CTNNB1: variants seen among roughly 807,000 people sequenced by gnomAD.
CTNNB1 encodes the protein catenin beta 1.
In CTNNB1, 6 loss-of-function variants were observed where a neutral mutation model predicts 82.5. The observed-to-expected ratio is 0.07, with a 90% CI of 0.04 to 0.14. CTNNB1 has a LOEUF of 0.14. Among genes scored for constraint, CTNNB1 ranks in the 10% least tolerant of loss-of-function variants. CTNNB1 has a pLI of 1.00. For missense variants in CTNNB1, 529 were observed against 980.4 expected (o/e 0.54, Z 6.15); for synonymous variants, 312 against 329.7 (o/e 0.95, Z 0.58).
At chr3:41,211,583 T>C (rs1218579950) in intron 1 of CTNNB1, among the ~76,000 whole-genome samples, 4 of 152,338 alleles carry the variant, frequency 2.6e-5, no homozygotes, top group Middle Eastern at 6.8e-3. Context: ...TATGTCCATG[T>C]GTACCAAATG....
At chr3:41,226,002 A>C in intron 6 of CTNNB1, 141 bp downstream of exon 6, 1 of 771,144 alleles carries the variant, frequency 1.3e-6, no homozygotes, top group Non-Finnish European at 2.2e-6. Flanking sequence ...GGGTTGTGGG[A>C]ATGGTTTCTG....
At chr3:41,230,153 G>C (rs983904754) in intron 7 of CTNNB1, among the ~76,000 whole-genome samples, 4 of 152,174 alleles carry the variant, frequency 2.6e-5, no homozygotes, top group Non-Finnish European at 5.9e-5. Flanking sequence ...GATTGCTCCA[G>C]GTAACTACTG....
Position 41,225,633 on chromosome 3 carries a change from C to T in CTNNB1, c.735-27C>T, listed in dbSNP as rs376456578. ...GTAGAAGAGTATACTCACAATATTTCTGATGAGGCTTTTTTCTTCTTCCCA... is the reference window on the plus strand; with the variant it reads ...GTAGAAGAGTATACTCACAATATTTTTGATGAGGCTTTTTTCTTCTTCCCA... On this transcript the variant is annotated intron_variant, in intron 5 of 14. Transcript: ENST00000349496. This position sits in a 1 kb window ranked among gnomAD's most constrained non-coding sequence, Gnocchi z 5.3. 49 of 1,613,830 alleles carry T rather than the reference C, an allele frequency of 3.0e-5. No homozygotes were observed. Among genetic ancestry groups the T allele is most frequent in the Non-Finnish European group, 4.1e-5 (48 of 1,179,828 alleles).
rs2078165819 is a variant in CTNNB1, at chr3:41,225,956, G to A, written c.936+95G>A. ...AGTGTTCCTAACCTTTTTGGCACCAGGGACCAGTTTCGTGGAAAACAGTTT... is the reference window on the plus strand; with the variant it reads ...AGTGTTCCTAACCTTTTTGGCACCAAGGACCAGTTTCGTGGAAAACAGTTT... On this transcript the variant is annotated intron_variant, in intron 6 of 14. Transcript: ENST00000349496. The surrounding 1 kb of genome is among the most constrained non-coding windows in gnomAD (Gnocchi z 5.3). The A allele has an allele frequency of 8.3e-7, 1 of 1,202,890 alleles. No homozygotes were observed. The highest frequency in any genetic ancestry group is 1.2e-6 in the Non-Finnish European group (1 of 826,766). The allele number at this position is 1,202,890 out of a possible 1,614,324, so 74.5% of individuals were successfully genotyped here. A position where few individuals can be genotyped will look rare whatever the true frequency, so the allele number is the denominator to read the frequency against.
chr3:41,226,360 G>T (rs2078176066), intron 6 of CTNNB1, among the ~76,000 whole-genome samples: 1 of 152,186 alleles, frequency 6.6e-6, no homozygotes, highest in Admixed American at 6.5e-5. Context: ...AATTTGTGTA[G>T]TGGGAAGAAG....
chr3:41,208,315 AT>A (rs2077696799), intron 1 of CTNNB1, among the ~76,000 whole-genome samples: 1 of 152,184 alleles, frequency 6.6e-6, no homozygotes, highest in African/African-American at 2.4e-5. Flanking sequence ...ACAAATTTTG[AT>A]GTAGAAGATG....
chr3:41,212,248 T>A (rs1410479092), intron 1 of CTNNB1, among the ~76,000 whole-genome samples: 1 of 152,214 alleles, frequency 6.6e-6, no homozygotes, highest in Non-Finnish European at 1.5e-5. Context: ...GTATCCCTGA[T>A]AGCGGGACAG....
rs778248964 is a variant in CTNNB1 at position 41,225,238 on chromosome 3, T to C, written c.495+31T>C. On this transcript the variant is annotated intron_variant, in intron 4 of 14. Transcript: ENST00000349496. This position sits in a 1 kb window ranked among gnomAD's most constrained non-coding sequence, Gnocchi z 5.3. ...CAATGACATAGCTAGCTTTTTAGTC[T>C]GCTTTGAAGTAAATGCTCAAGGGGA... is the stretch of plus-strand genomic sequence containing the variant. The C allele has an allele frequency of 6.2e-7, 1 of 1,614,058 alleles. No individual in the cohort carries two copies. The highest frequency in any genetic ancestry group is 8.5e-7 in the Non-Finnish European group (1 of 1,179,980).
chr3:41,232,729 A>T (rs1028403019), intron 7 of CTNNB1, among the ~76,000 whole-genome samples: 5 of 152,110 alleles, frequency 3.3e-5, no homozygotes, highest in Non-Finnish European at 5.9e-5. Context: ...AAGTGTTTTC[A>T]TGCCGTCTTT....
chr3:41,203,458 A>G (rs1471139740), intron 1 of CTNNB1, among the ~76,000 whole-genome samples: 1 of 152,192 alleles, frequency 6.6e-6, no homozygotes, highest in East Asian at 1.9e-4. Context: ...GAATCTCAGT[A>G]TAGTACTTTA....
intron 7 of CTNNB1, among the ~76,000 whole-genome samples, chr3:41,229,516 T>G (rs928351667): frequency 6.6e-6 from 1 of 152,198 alleles, no homozygotes; most frequent in East Asian, 1.9e-4. Context: ...TTGGATGTTG[T>G]TGGTGTCTAG....
chr3:41,223,013 G>C lies in CTNNB1; in HGVS notation c.-48-1008G>C, dbSNP rs2078086095. ...TTGAACCTGGGAGGCGGAGGTTGCA[G>C]TGAGCCCAGTATGCACCTCTGCACT... On this transcript the variant is annotated intron_variant, in intron 1 of 14. Coordinates refer to ENST00000349496, the MANE Select transcript of CTNNB1 (RefSeq NM_001904.4). 5.3e-5 allele frequency among the ~76,000 whole-genome samples: 8 copies of C among 152,274 alleles called. No individual in the cohort carries two copies. In the South Asian group the frequency reaches 1.7e-3, roughly 32 times the overall value.
chr3:41,212,114 T>G (rs919008119), intron 1 of CTNNB1, among the ~76,000 whole-genome samples: 1 of 152,224 alleles, frequency 6.6e-6, no homozygotes, highest in Non-Finnish European at 1.5e-5. Flanking sequence ...TTTTGCCCAT[T>G]GAGATCTTCC....
Position 41,225,851 on chromosome 3 carries a change from A to C in CTNNB1, c.926A>C (p.Gln309Pro). The C allele has an allele frequency of 6.2e-7, 1 of 1,612,982 alleles. No individual in the cohort carries two copies. Among genetic ancestry groups the C allele is most frequent in the Non-Finnish European group, 8.5e-7 (1 of 1,179,308 alleles). ...CTTCAAATTTTAGCTTATGGCAACC[A>C]AGAAAGCAAGGTAAGAGAATTATTC... is the stretch of plus-strand genomic sequence containing the variant. ...DCLQILAYGNQESKLIILASG... is the reference protein window; with the variant it reads ...DCLQILAYGNPESKLIILASG... Residue 309 changes from glutamine to proline, a missense_variant, in exon 6 of 15, where the codon CAA becomes CCA. This residue lies in a region of CTNNB1 where 411 missense variants were observed against 776.4 expected (regional missense o/e 0.53). Coordinates refer to ENST00000349496, the MANE Select transcript of CTNNB1 (RefSeq NM_001904.4). The surrounding 1 kb of genome is among the most constrained non-coding windows in gnomAD (Gnocchi z 5.3).
chr3:41,239,570 GT>G lies in CTNNB1; in HGVS notation c.*234del, dbSNP rs4135244. The stretch of plus-strand genomic sequence containing the variant: ...ATGTGTGGAAGTTATTAACTTTAAT[GT>G]TTTTTGCCACAGCTTTTGCAACTTA... On this transcript the variant is annotated 3_prime_UTR_variant, in exon 15 of 15. Coordinates refer to ENST00000349496, the MANE Select transcript of CTNNB1 (RefSeq NM_001904.4). 1.7e-6 allele frequency: 1 copy of G among 571,886 alleles called. No homozygotes were observed. The highest frequency in any genetic ancestry group is 2.9e-5 in the East Asian group (1 of 33,934). The allele number at this position is 571,886 out of a possible 1,614,324, so 35.4% of individuals were successfully genotyped here.
chr3:41,233,682 C>G lies in CTNNB1; in HGVS notation c.1339C>G (p.Leu447Val), dbSNP rs769363745. Residue 447 changes from leucine (L) to valine (V), a missense_variant, in exon 9 of 15, where the codon CTT (leucine) becomes GTT (valine). Physicochemically the swap from Leu to Val is conservative, Grantham distance 32. This residue lies in a region of CTNNB1 where 411 missense variants were observed against 776.4 expected (regional missense o/e 0.53). Transcript: ENST00000349496. ...CTGCCAAGTGGGTGGTATAGAGGCT[C>G]TTGTGCGTACTGTCCTTCGGGCTGG... ...MVCQVGGIEA[L>V]VRTVLRAGDR... 1 of 1,613,984 alleles carries G rather than the reference C, an allele frequency of 6.2e-7. No individual in the cohort carries two copies. The highest frequency in any genetic ancestry group is 1.3e-5 in the African/African-American group (1 of 74,898).
Position 41,224,559 on chromosome 3 carries a change from C to G in CTNNB1, c.47C>G (p.Pro16Arg), listed in dbSNP as rs1453594408. 1 of 1,613,724 alleles carries G rather than the reference C, an allele frequency of 6.2e-7. No homozygotes were observed. The highest frequency in any genetic ancestry group is 1.3e-5 in the African/African-American group (1 of 74,856). ...ATGGAGTTGGACATGGCCATGGAAC[C>G]AGACAGAAAAGCGGCTGTTAGTCAC... Reference protein sequence around the residue: ...DLMELDMAMEPDRKAAVSHWQ... With the variant: ...DLMELDMAMERDRKAAVSHWQ... The change falls in exon 3 of 15, where the codon CCA becomes CGA. Residue 16 changes from proline to arginine, a missense_variant. By Grantham distance (103) the Pro-to-Arg change is moderately radical. Around this residue, in one of 4 missense-constraint regions of CTNNB1, gnomAD observed 13 missense variants for 48.6 expected, o/e 0.27. Transcript: ENST00000349496.
chr3:41,237,838 A>T, intron 13 of CTNNB1, 178 bp from the exon 14 acceptor site: 1 of 613,836 alleles, frequency 1.6e-6, no homozygotes, highest in Non-Finnish European at 2.9e-6. Context: ...AAAGAGAAAA[A>T]AAAATGTATC....
chr3:41,238,228 G>C (rs1439220032), intron 14 of CTNNB1, 152 bp downstream of exon 14: 8 of 714,140 alleles, frequency 1.1e-5, no homozygotes, highest in Non-Finnish European at 2.0e-5. Flanking sequence ...GTCAGCAACA[G>C]TATCTTTAAT....
Sources: allele counts gnomAD v4.1 joint callset (sites outside exome capture counted in the v4.1 genomes callset), GRCh38; gene constraint gnomAD v4.1.1; regional missense constraint gnomAD v4.1.1; non-coding constraint Gnocchi (gnomAD v3.1); transcripts MANE v1.5; gene names NCBI Gene and HGNC (gene_info 2026-07-23, HGNC 2026-07-21).